The following CNTN5 variants were observed in gnomAD, a reference collection of about 807,000 sequenced individuals.
CNTN5 encodes the protein contactin 5.
A neutral mutation model predicts 129.1 loss-of-function variants in CNTN5; 77 were observed. The ratio of observed to expected loss-of-function variants is 0.60; its 90% CI spans 0.50 to 0.72. CNTN5 has a LOEUF of 0.72. CNTN5 is among the 30% of genes least tolerant of loss of function. The pLI, the probability that CNTN5 is intolerant of heterozygous loss-of-function variation, is 0.00. For missense variants in CNTN5, 1,478 were observed against 1,328.8 expected, an observed-to-expected ratio of 1.11 and a Z score of -1.75; for synonymous variants, 509 against 465.6, an observed-to-expected ratio of 1.09 and a Z score of -1.20.
At chr11:99,896,514 G>C (rs554363572) in intron 6 of CNTN5, among the ~76,000 whole-genome samples, 1 of 152,194 alleles carries the variant, frequency 6.6e-6, no homozygotes, top group South Asian at 2.1e-4. Flanking sequence ...TCCCACCTCT[G>C]TTGTTCCCTG....
At chr11:100,154,040 G>C (rs111918260) in intron 13 of CNTN5, among the ~76,000 whole-genome samples, 1 of 151,874 alleles carries the variant, frequency 6.6e-6, no homozygotes, top group Non-Finnish European at 1.5e-5. Flanking sequence ...TAAGTTCTGG[G>C]GTACATGTGC....
intron 2 of CNTN5, among the ~76,000 whole-genome samples, chr11:99,445,669 T>C (rs1944032883): frequency 6.6e-6 from 1 of 152,196 alleles, no homozygotes; most frequent in Non-Finnish European, 1.5e-5. Context: ...ATAAGAGATG[T>C]TAACTAAGGA....
intron 8 of CNTN5, among the ~76,000 whole-genome samples, chr11:99,985,061 G>A (rs1938590330): frequency 6.6e-6 from 1 of 152,130 alleles, no homozygotes; most frequent in Admixed American, 6.5e-5. Context: ...GTGTTACAAT[G>A]ACTTCTTCGC....
chr11:99,348,085 AG>A (rs1938026493), intron 2 of CNTN5, among the ~76,000 whole-genome samples: 1 of 152,226 alleles, frequency 6.6e-6, no homozygotes. Context: ...ATTGCACAAA[AG>A]ATCACTGCTA....
chr11:99,874,480 A>G (rs749563046), intron 6 of CNTN5, among the ~76,000 whole-genome samples: 5 of 152,140 alleles, frequency 3.3e-5, no homozygotes, highest in Non-Finnish European at 7.4e-5. Context: ...TTCTTTCCTC[A>G]GGAGGGAATA....
chr11:99,319,115 C>A (rs1164039477), intron 1 of CNTN5, among the ~76,000 whole-genome samples: 2 of 152,176 alleles, frequency 1.3e-5, no homozygotes, highest in African/African-American at 4.8e-5. Flanking sequence ...AAAAAACTAT[C>A]TTGACATCAG....
Position 99,522,605 on chromosome 11 carries a change from T to G in CNTN5, c.-70-33540T>G, listed in dbSNP as rs897290695. Among the ~76,000 whole-genome samples, 19 of 152,270 alleles carry G rather than the reference T, an allele frequency of 1.2e-4. 1 individual carries two copies. The highest frequency in any genetic ancestry group is 4.6e-4 in the Admixed American group (7 of 15,290). The stretch of plus-strand genomic sequence containing the variant: ...TATTTGGAGAATATAAATAAATTAT[T>G]TAATACTTTGTAATTTTAACCAATG... On this transcript the variant is annotated intron_variant, in intron 2 of 24. Coordinates refer to ENST00000524871, the MANE Select transcript of CNTN5 (RefSeq NM_014361.4).
At chr11:99,173,913 C>T (rs1174362733) in intron 1 of CNTN5, among the ~76,000 whole-genome samples, 1 of 152,098 alleles carries the variant, frequency 6.6e-6, no homozygotes, top group Non-Finnish European at 1.5e-5. Context: ...TTTTGATACA[C>T]TTAAGAGCTA....
chr11:99,181,061 A>C (rs999165703), intron 1 of CNTN5, among the ~76,000 whole-genome samples: 1 of 152,226 alleles, frequency 6.6e-6, no homozygotes, highest in South Asian at 2.1e-4. Flanking sequence ...TTGCTGAAGC[A>C]GGATTGTACC....
chr11:99,692,707 A>C (rs1034181951), intron 3 of CNTN5, among the ~76,000 whole-genome samples: 1 of 152,060 alleles, frequency 6.6e-6, no homozygotes, highest in African/African-American at 2.4e-5. Flanking sequence ...TTTATAGTCA[A>C]ATAATTTTGC....
In CNTN5 at chr11:99,955,839, C is replaced by T. The variant is rs144395523; in HGVS notation, c.674-967C>T. On this transcript the variant is annotated intron_variant, in intron 7 of 24. Coordinates refer to ENST00000524871, the MANE Select transcript of CNTN5 (RefSeq NM_014361.4). The stretch of plus-strand genomic sequence containing the variant: ...TCGGCCTCCTAAAGTGCCAGGAGTA[C>T]GGGCGTTAGCCCCCGTGTGCAGCCT... Among the ~76,000 whole-genome samples the T allele has an allele frequency of 2.7e-4, 41 of 152,246 alleles. 1 individual carries two copies. The highest frequency in any genetic ancestry group is 9.1e-4 in the African/African-American group (38 of 41,556).
intron 1 of CNTN5, among the ~76,000 whole-genome samples, chr11:99,128,505 C>T (rs1032892853): frequency 2.0e-5 from 3 of 152,170 alleles, no homozygotes; most frequent in African/African-American, 4.8e-5. Flanking sequence ...GGACAGAGCA[C>T]GTGGCAGGAG....
intron 3 of CNTN5, among the ~76,000 whole-genome samples, chr11:99,694,486 T>C (rs1954176734): frequency 6.6e-6 from 1 of 152,142 alleles, no homozygotes; most frequent in South Asian, 2.1e-4. Flanking sequence ...AGTAACAGTT[T>C]TAGACTTTTT....
At chr11:99,599,583 T>C (rs1034879158) in intron 3 of CNTN5, among the ~76,000 whole-genome samples, 1 of 152,130 alleles carries the variant, frequency 6.6e-6, no homozygotes, top group African/African-American at 2.4e-5. Context: ...GTAAAGTGAG[T>C]TATACTAATT....
chr11:99,999,000 T>A (rs1810798073), intron 8 of CNTN5, among the ~76,000 whole-genome samples: 1 of 151,962 alleles, frequency 6.6e-6, no homozygotes, highest in East Asian at 1.9e-4. Context: ...TATACAAAAA[T>A]TAATTCAAGA....
At chr11:99,553,881 T>C (rs866155266) in intron 2 of CNTN5, among the ~76,000 whole-genome samples, 19 of 151,830 alleles carry the variant, frequency 1.3e-4, no homozygotes, top group Middle Eastern at 3.4e-3. Context: ...AGAATGACTT[T>C]TTAAGAAATA....
chr11:99,940,302 C>G (rs1338697967), intron 7 of CNTN5, among the ~76,000 whole-genome samples: 1 of 152,050 alleles, frequency 6.6e-6, no homozygotes, highest in African/African-American at 2.4e-5. Flanking sequence ...TGCTCTTTAG[C>G]TTTTAGATCC....
At chr11:99,262,317 C>T (rs181042340) in intron 1 of CNTN5, among the ~76,000 whole-genome samples, 2 of 151,970 alleles carry the variant, frequency 1.3e-5, no homozygotes, top group Non-Finnish European at 2.9e-5. Context: ...TAAAACAGTA[C>T]TTGAAATTAA....
At chr11:100,283,253 C>A (rs1950680675) in intron 18 of CNTN5, among the ~76,000 whole-genome samples, 1 of 152,122 alleles carries the variant, frequency 6.6e-6, no homozygotes, top group African/African-American at 2.4e-5. Context: ...GAGGGCTTCA[C>A]AACTATGACC....
Sources: allele counts gnomAD v4.1 joint callset (sites outside exome capture counted in the v4.1 genomes callset), GRCh38; gene constraint gnomAD v4.1.1; transcripts MANE v1.5; gene names NCBI Gene and HGNC (gene_info 2026-07-23, HGNC 2026-07-21).